Variants in GABRB2 observed in about 807,000 individuals in gnomAD.
The protein encoded by GABRB2 is gamma-aminobutyric acid receptor subunit beta-2.
GABRB2 carries 16 observed loss-of-function variants against 54.7 expected under a neutral mutation model. That is an observed-to-expected ratio of 0.29 (90% CI 0.20 to 0.44). The LOEUF (loss-of-function observed/expected upper bound fraction) is 0.44. Ranked by LOEUF, GABRB2 falls within the 20% of genes least tolerant of loss-of-function variation. GABRB2 has a pLI of 1.00. For missense variants in GABRB2, 355 were observed against 644.0 expected (o/e 0.55, Z 4.86); for synonymous variants, 244 against 233.8 (o/e 1.04, Z -0.40).
intron 4 of GABRB2, among the ~76,000 whole-genome samples, chr5:161,457,760 A>C (rs937240734): frequency 1.5e-4 from 23 of 151,920 alleles, no homozygotes; most frequent in Admixed American, 1.4e-3. Context: ...TTTCCTCTCA[A>C]TTCTAAAGGC....
chr5:161,512,858 T>C (rs891880493), intron 3 of GABRB2, among the ~76,000 whole-genome samples: 6 of 151,182 alleles, frequency 4.0e-5, no homozygotes, highest in African/African-American at 1.5e-4. Context: ...ATTCATATGA[T>C]TAAACAAGCA....
At chr5:161,326,773 T>C (rs1758376319) in intron 8 of GABRB2, among the ~76,000 whole-genome samples, 1 of 152,074 alleles carries the variant, frequency 6.6e-6, no homozygotes, top group African/African-American at 2.4e-5. Flanking sequence ...CACCCATGAA[T>C]GCAGAATAAA....
chr5:161,473,143 C>T (rs576064690), intron 3 of GABRB2, among the ~76,000 whole-genome samples: 18 of 151,960 alleles, frequency 1.2e-4, no homozygotes, highest in South Asian at 6.2e-4. Flanking sequence ...CAGAATAAGA[C>T]GGAAATTCAG....
At chr5:161,513,671 C>T (rs1438734083) in intron 3 of GABRB2, among the ~76,000 whole-genome samples, 1 of 152,036 alleles carries the variant, frequency 6.6e-6, no homozygotes, top group Non-Finnish European at 1.5e-5. Flanking sequence ...GAAAAACTAA[C>T]TGTTGCATAC....
chr5:161,477,841 T>C (rs943478302), intron 3 of GABRB2, among the ~76,000 whole-genome samples: 2 of 151,874 alleles, frequency 1.3e-5, no homozygotes, highest in African/African-American at 2.4e-5. Flanking sequence ...TTACAGGGTA[T>C]AGGGCTTCAG....
intron 3 of GABRB2, among the ~76,000 whole-genome samples, chr5:161,513,353 G>A (rs529986526): frequency 1.8e-4 from 28 of 151,976 alleles, no homozygotes; most frequent in South Asian, 6.2e-4. Context: ...AGCACTGTTC[G>A]CAATAGCAAA....
At chr5:161,442,033 AGACCTATAGGGT>A (rs1481525736) in intron 4 of GABRB2, among the ~76,000 whole-genome samples, 2 of 152,134 alleles carry the variant, frequency 1.3e-5, no homozygotes, top group African/African-American at 4.8e-5. Context: ...AGAATGAATA[AGACCTATAGGGT>A]GACTATAGTC....
intron 4 of GABRB2, among the ~76,000 whole-genome samples, chr5:161,445,157 T>A (rs1241510968): frequency 6.6e-6 from 1 of 152,170 alleles, no homozygotes; most frequent in Non-Finnish European, 1.5e-5. Context: ...CAGAGGTTTC[T>A]ACTCTCACAG....
intron 5 of GABRB2, among the ~76,000 whole-genome samples, chr5:161,368,594 T>C (rs1007975735): frequency 2.0e-5 from 3 of 152,126 alleles, no homozygotes; most frequent in African/African-American, 4.8e-5. Flanking sequence ...CGGAGTTGAG[T>C]AGAGGCTGCC....
chr5:161,410,420 A>ACACACACT (rs927095512), intron 5 of GABRB2, among the ~76,000 whole-genome samples: 10 of 150,964 alleles, frequency 6.6e-5, no homozygotes, highest in African/African-American at 2.4e-4. Context: ...ACACACACAC[A>ACACACACT]CACTCACAAT....
chr5:161,388,498 T>C (rs1449329731), intron 5 of GABRB2, among the ~76,000 whole-genome samples: 3 of 152,078 alleles, frequency 2.0e-5, no homozygotes, highest in African/African-American at 7.2e-5. Context: ...CTTATAAAGA[T>C]ACACACATTC....
At chr5:161,470,474 T>C (rs1017207947) in intron 3 of GABRB2, among the ~76,000 whole-genome samples, 1 of 151,948 alleles carries the variant, frequency 6.6e-6, no homozygotes, top group Admixed American at 6.6e-5. Context: ...ACTGTAACAA[T>C]ATGCCAGAAG....
intron 9 of GABRB2, among the ~76,000 whole-genome samples, chr5:161,301,609 G>C (rs1757540344): frequency 6.6e-6 from 1 of 152,154 alleles, no homozygotes; most frequent in Non-Finnish European, 1.5e-5. Context: ...CAAGAGGGAG[G>C]AAGAAGCAAA....
intron 9 of GABRB2, among the ~76,000 whole-genome samples, chr5:161,297,572 G>A (rs1258779355): frequency 6.6e-6 from 1 of 152,076 alleles, no homozygotes; most frequent in Non-Finnish European, 1.5e-5. Context: ...TGAGAATGAT[G>A]GTTTCCAGCT....
intron 4 of GABRB2, among the ~76,000 whole-genome samples, chr5:161,457,769 G>T (rs1057015544): frequency 3.9e-5 from 6 of 151,976 alleles, no homozygotes; most frequent in African/African-American, 1.4e-4. Flanking sequence ...AATTCTAAAG[G>T]CATTCTGATT....
At chr5:161,360,659 A>G (rs1353279231) in intron 5 of GABRB2, among the ~76,000 whole-genome samples, 2 of 152,210 alleles carry the variant, frequency 1.3e-5, no homozygotes, top group Non-Finnish European at 2.9e-5. Flanking sequence ...AGAAAGAACA[A>G]TAGAATGAGA....
chr5:161,537,686 A>T (rs975923633), intron 3 of GABRB2, among the ~76,000 whole-genome samples: 3 of 152,110 alleles, frequency 2.0e-5, no homozygotes, highest in East Asian at 1.9e-4. Context: ...CACCCTCTAC[A>T]CTTCAGAACC....
intron 1 of GABRB2, 43 bp from the exon 2 acceptor site, chr5:161,546,456 A>T (rs1433134551): frequency 6.3e-7 from 1 of 1,590,472 alleles, no homozygotes; most frequent in Non-Finnish European, 8.6e-7. Context: ...ATAAGGAAGC[A>T]GGCATAGCGT....
In GABRB2 at chr5:161,325,648, T is replaced by C. The variant is rs150232417; in HGVS notation, c.1191+720A>G. Among the ~76,000 whole-genome samples the C allele has an allele frequency of 7.4e-3, 1,128 of 152,234 alleles. 12 individuals are homozygous for C. Among genetic ancestry groups the C allele is most frequent in the African/African-American group, 0.025 (1,024 of 41,562 alleles). On this transcript the variant is annotated intron_variant, in intron 9 of 9. Transcript: ENST00000393959. The stretch of plus-strand genomic sequence containing the variant: ...CTGGAGTTGAACAAGTAGTAGATGA[T>C]AGGGTGGAATGGTGACAATTATCAT...
Sources: allele counts gnomAD v4.1 joint callset (sites outside exome capture counted in the v4.1 genomes callset), GRCh38; gene constraint gnomAD v4.1.1; transcripts MANE v1.5; gene names NCBI Gene and HGNC (gene_info 2026-07-23, HGNC 2026-07-21).